The following SGK1 variants were observed in gnomAD, a reference collection of about 807,000 sequenced individuals.
The protein encoded by SGK1 is serum/glucocorticoid regulated kinase 1, also known as serine/threonine-protein kinase Sgk1.
Under a neutral mutation model 64.2 loss-of-function variants are expected in SGK1, and 26 were observed. That is an observed-to-expected ratio of 0.40 (90% CI 0.30 to 0.56). SGK1 has a LOEUF of 0.56. SGK1 is among the 20% of genes least tolerant of loss of function. The pLI, the probability that SGK1 is intolerant of heterozygous loss-of-function variation, is 0.38. For missense variants in SGK1, 519 were observed against 645.6 expected, an observed-to-expected ratio of 0.80 and a Z score of 2.12; for synonymous variants, 265 against 239.7, an observed-to-expected ratio of 1.11 and a Z score of -0.98.
intron 2 of SGK1, among the ~76,000 whole-genome samples, chr6:134,234,749 G>A (rs1333984186): frequency 6.6e-6 from 1 of 152,144 alleles, no homozygotes; most frequent in East Asian, 1.9e-4. Context: ...GGTGATGCAT[G>A]CCTGTAATCC....
chr6:134,285,758 A>G (rs1331390859), intron 1 of SGK1, among the ~76,000 whole-genome samples: 2 of 152,048 alleles, frequency 1.3e-5, no homozygotes, highest in South Asian at 2.1e-4. Context: ...CTTGTAACAC[A>G]TCTATTCTGT....
intron 2 of SGK1, among the ~76,000 whole-genome samples, chr6:134,250,048 T>G (rs1776583416): frequency 6.6e-6 from 1 of 152,180 alleles, no homozygotes; most frequent in African/African-American, 2.4e-5. Context: ...TTCCTGAATT[T>G]TTTTTCTCAC....
At chr6:134,297,534 A>G (rs4895400) in intron 1 of SGK1, 258,174 of 533,794 alleles carry the variant, frequency 0.48, 65,447 homozygotes, top group East Asian at 0.91. Flanking sequence ...ACAGAGTCTC[A>G]CTCTGTCGCC....
intron 2 of SGK1, among the ~76,000 whole-genome samples, chr6:134,228,039 C>T (rs1185308676): frequency 6.7e-6 from 1 of 148,988 alleles, no homozygotes; most frequent in South Asian, 2.1e-4. Context: ...ACTGCAACCT[C>T]CACCTCCCGG....
intron 2 of SGK1, among the ~76,000 whole-genome samples, chr6:134,218,291 T>C (rs1349338003): frequency 2.0e-5 from 3 of 152,232 alleles, no homozygotes; most frequent in Non-Finnish European, 4.4e-5. Context: ...ATCCTCAATC[T>C]TGAAATTTAT....
intron 1 of SGK1, among the ~76,000 whole-genome samples, chr6:134,296,833 A>AG (rs796657363): frequency 1.5e-4 from 23 of 150,518 alleles, no homozygotes; most frequent in South Asian, 2.1e-4. Flanking sequence ...GGCATGGGCA[A>AG]GGGGGGGTCC....
intron 1 of SGK1, among the ~76,000 whole-genome samples, chr6:134,301,666 C>G (rs1190280991): frequency 6.6e-6 from 1 of 152,022 alleles, no homozygotes; most frequent in Non-Finnish European, 1.5e-5. Flanking sequence ...TCATGGCTCA[C>G]TGCAACCTCA....
intron 1 of SGK1, among the ~76,000 whole-genome samples, chr6:134,264,153 C>G (rs1440299903): frequency 2.0e-5 from 3 of 148,660 alleles, no homozygotes; most frequent in East Asian, 1.9e-4. Flanking sequence ...GAGTCTCGCT[C>G]TGTTGCCCCT....
intron 3 of SGK1, among the ~76,000 whole-genome samples, chr6:134,176,997 C>T (rs1775250485): frequency 6.6e-6 from 1 of 152,170 alleles, no homozygotes; most frequent in African/African-American, 2.4e-5. Flanking sequence ...GGGCGGATCA[C>T]GAGGTCAAGA....
chr6:134,211,371 A>C (rs1775887264), intron 2 of SGK1: 1 of 152,220 alleles, frequency 6.6e-6, no homozygotes, highest in Admixed American at 6.6e-5. Flanking sequence ...ATGCCATTAA[A>C]ATTTAAATCT....
chr6:134,229,702 C>T (rs971014714), intron 2 of SGK1, among the ~76,000 whole-genome samples: 3 of 152,258 alleles, frequency 2.0e-5, no homozygotes, highest in Admixed American at 6.5e-5. Context: ...TCAGAAAATG[C>T]GCATGCATAT....
intron 2 of SGK1, among the ~76,000 whole-genome samples, chr6:134,243,673 C>T (rs983051978): frequency 7.2e-5 from 11 of 152,084 alleles, no homozygotes; most frequent in African/African-American, 1.7e-4. Flanking sequence ...CCGGCCATAA[C>T]GTGCAGTTTT....
intron 3 of SGK1, chr6:134,175,829 G>C: frequency 1.2e-5 from 15 of 1,263,636 alleles, no homozygotes; most frequent in South Asian, 5.0e-5. Context: ...CGCCTTTTTT[G>C]TGCTTTTGGC....
At chr6:134,203,533 T>C (rs1325082803) in intron 3 of SGK1, among the ~76,000 whole-genome samples, 1 of 152,024 alleles carries the variant, frequency 6.6e-6, no homozygotes, top group Non-Finnish European at 1.5e-5. Context: ...TTAGATAGGA[T>C]TTTAAGAGGA....
intron 1 of SGK1, among the ~76,000 whole-genome samples, chr6:134,293,297 G>A (rs939322472): frequency 1.3e-5 from 2 of 152,176 alleles, no homozygotes; most frequent in Non-Finnish European, 2.9e-5. Flanking sequence ...ATTTCAAGAG[G>A]CTTTGCTGGT....
At chr6:134,170,737 T>C (rs1244318758) in intron 13 of SGK1, 89 bp downstream of exon 13, 1 of 881,686 alleles carries the variant, frequency 1.1e-6, no homozygotes, top group Non-Finnish European at 1.8e-6. Context: ...TCTGCCAATG[T>C]ATTCCTTCCA....
At chr6:134,281,177 A>G (rs1269206568) in intron 1 of SGK1, among the ~76,000 whole-genome samples, 1 of 152,212 alleles carries the variant, frequency 6.6e-6, no homozygotes, top group East Asian at 1.9e-4. Context: ...TCCCCATTCC[A>G]ACTTTCTTAT....
chr6:134,213,548 AAATGTCCTCATGAAACACCTGTGGCT>A (rs1207619375), intron 2 of SGK1, among the ~76,000 whole-genome samples: 12,320 of 140,552 alleles, frequency 0.088, 1,731 homozygotes, highest in African/African-American at 0.23. Context: ...TAAATAAATA[AAATGTCCTCATGAAACACCTGTGGCT>A]TAGCATTCCA....
chr6:134,248,445 C>A (rs887427106), intron 2 of SGK1, among the ~76,000 whole-genome samples: 3 of 103,044 alleles, frequency 2.9e-5, no homozygotes, highest in Non-Finnish European at 5.4e-5. Context: ...TCTCCTCCGC[C>A]TTTTTTTTTT....
Sources: allele counts gnomAD v4.1 joint callset (sites outside exome capture counted in the v4.1 genomes callset), GRCh38; gene constraint gnomAD v4.1.1; transcripts MANE v1.5; gene names NCBI Gene and HGNC (gene_info 2026-07-23, HGNC 2026-07-21).